The following FAP variants were observed in gnomAD, a reference collection of about 807,000 sequenced individuals.
FAP encodes fibroblast activation protein alpha.
In FAP, 110 loss-of-function variants were observed where a neutral mutation model predicts 126.5. The ratio of observed to expected loss-of-function variants is 0.87; its 90% CI spans 0.74 to 1.02. The LOEUF is 1.02. Ranked by LOEUF, FAP falls within the 50% of genes least tolerant of loss-of-function variation. The pLI is 0.00. For missense variants in FAP, 919 were observed against 909.2 expected (o/e 1.01, Z -0.14); for synonymous variants, 334 against 297.3 (o/e 1.12, Z -1.27).
At chr2:162,183,730 C>T (rs139243469) in intron 20 of FAP, 278 of 302,068 alleles carry the variant, frequency 9.2e-4, no homozygotes, top group African/African-American at 5.7e-3. Context: ...GTAGTCTAAT[C>T]GTGGGGGTGT....
chr2:162,213,486 A>C (rs1262472508), intron 11 of FAP, among the ~76,000 whole-genome samples: 1 of 151,662 alleles, frequency 6.6e-6, no homozygotes, highest in Non-Finnish European at 1.5e-5. Context: ...AGAATTTTTA[A>C]TTTTTAATTT....
intron 20 of FAP, among the ~76,000 whole-genome samples, chr2:162,186,895 T>C (rs188476229): frequency 1.0e-3 from 157 of 152,178 alleles, no homozygotes; most frequent in Middle Eastern, 6.8e-3. Flanking sequence ...TTCTTTGAAC[T>C]ATCTCCTCCA....
chr2:162,188,094 A>C lies in FAP; in HGVS notation c.1814+75T>G, dbSNP rs965363712. Reference sequence around the variant, plus strand: ...GAAAAACAAAAGAATTAAGTCATGAAGAATGGAGAAACACAATAGTGATTG... The same window carrying C: ...GAAAAACAAAAGAATTAAGTCATGACGAATGGAGAAACACAATAGTGATTG... On this transcript the variant is annotated intron_variant, in intron 20 of 25. Transcript: ENST00000188790. 3.4e-5 allele frequency: 41 copies of C among 1,202,438 alleles called. No individual in the cohort carries two copies. In the African/African-American group the frequency reaches 6.0e-4, roughly 18 times the overall value. The allele number at this position is 1,202,438 out of a possible 1,614,324, so 74.5% of individuals were successfully genotyped here.
intron 16 of FAP, among the ~76,000 whole-genome samples, chr2:162,195,585 C>A (rs1394122479): frequency 6.6e-6 from 1 of 151,998 alleles, no homozygotes; most frequent in Non-Finnish European, 1.5e-5. Context: ...CTCTCAGTAG[C>A]TGAAGAAATG....
At position 162,219,055 on chromosome 2, in the gene FAP, C is replaced by T. The variant is rs1689276290; in HGVS notation, c.607+8G>A. ...AAGCATTAGCAGTAGAAAAGGAATA[C>T]AGCTTACCTTCATAAACCCAGTCTG... On this transcript the variant is annotated splice_region_variant and intron_variant, in intron 8 of 25. Coordinates refer to ENST00000188790, the MANE Select transcript of FAP (RefSeq NM_004460.5). 1.3e-6 allele frequency: 2 copies of T among 1,593,350 alleles called. No homozygotes were observed. Among genetic ancestry groups the T allele is most frequent in the African/African-American group, 1.3e-5 (1 of 74,114 alleles).
rs933014447 is a variant in FAP, at chr2:162,174,964, G to A, written c.1872C>T (p.Ser624=). The change falls in exon 22 of 26, where the codon TCC becomes TCT. Residue 624 remains serine, a splice_region_variant and synonymous_variant. Transcript: ENST00000188790. Reference sequence around the variant, plus strand: ...CCAGTGATGAAACGTATCCTCCATAGGACTGTAGAGACATTGTTATGAGTC... The same window carrying A: ...CCAGTGATGAAACGTATCCTCCATAAGACTGTAGAGACATTGTTATGAGTC... ...DEKRIAIWGW[S]YGGYVSSLAL... 1 of 1,605,462 alleles carries A rather than the reference G, an allele frequency of 6.2e-7. No homozygotes were observed.
intron 9 of FAP, among the ~76,000 whole-genome samples, chr2:162,216,730 G>T (rs536255835): frequency 6.6e-6 from 1 of 152,320 alleles, no homozygotes; most frequent in Admixed American, 6.5e-5. Context: ...TAGGTGCACA[G>T]TATGTAATGA....
chr2:162,178,141 G>A (rs919671454), intron 21 of FAP, among the ~76,000 whole-genome samples: 1 of 152,082 alleles, frequency 6.6e-6, no homozygotes, highest in Non-Finnish European at 1.5e-5. Context: ...ATCACACATA[G>A]CAATTCAAAT....
At position 162,236,837 on chromosome 2, in the gene FAP, A is replaced by G. The variant is rs544945135; in HGVS notation, c.91+6071T>C. Among the ~76,000 whole-genome samples, 14 of 152,218 alleles carry G rather than the reference A, an allele frequency of 9.2e-5. No homozygotes were observed. The East Asian group carries it at 2.7e-3, about 29-fold the overall frequency. ...AGGCTGGTCTTGAACTCCTGGCCTC[A>G]AGTGATCCATCATCTCAGCCTCCCA... On this transcript the variant is annotated intron_variant, in intron 2 of 25. Transcript: ENST00000188790.
chr2:162,190,101 T>C (rs1307276180), intron 17 of FAP, among the ~76,000 whole-genome samples: 2 of 152,048 alleles, frequency 1.3e-5, no homozygotes, highest in Non-Finnish European at 2.9e-5. Context: ...GTGATATTTC[T>C]TTTATCATAT....
chr2:162,236,081 T>A (rs1290573090), intron 2 of FAP, among the ~76,000 whole-genome samples: 1 of 152,210 alleles, frequency 6.6e-6, no homozygotes, highest in Non-Finnish European at 1.5e-5. Flanking sequence ...GTTTTTGTCC[T>A]TTTTTCTATT....
chr2:162,219,261 C>G, intron 7 of FAP, 78 bp from the exon 8 acceptor site: 1 of 1,335,334 alleles, frequency 7.5e-7, no homozygotes, highest in African/African-American at 1.5e-5. Context: ...TCCTCTAATA[C>G]CTTTAAACAG....
intron 17 of FAP, chr2:162,194,048 C>A (rs58733401): frequency 6.6e-6 from 1 of 152,182 alleles, no homozygotes; most frequent in African/African-American, 2.4e-5. Context: ...CAAAACTGGT[C>A]GTCTTTGAGA....
At chr2:162,173,854 C>T (rs1387949735) in intron 22 of FAP, 67 bp from the exon 23 acceptor site, 3 of 1,037,628 alleles carry the variant, frequency 2.9e-6, no homozygotes, top group Admixed American at 3.6e-5. Context: ...CCAACAAGAC[C>T]TTCTAGTTTA....
At chr2:162,177,333 AC>A (rs1687521936) in intron 21 of FAP, among the ~76,000 whole-genome samples, 1 of 152,150 alleles carries the variant, frequency 6.6e-6, no homozygotes, top group Admixed American at 6.6e-5. Context: ...AATAATAATA[AC>A]TAGCTAACAT....
rs142789679 is a variant in FAP, at chr2:162,236,303, C to T, written c.91+6605G>A. On this transcript the variant is annotated intron_variant, in intron 2 of 25. Transcript: ENST00000188790. ...CTTTGGTTTTGGCATTATAGTAATG[C>T]GGGTAATACCTTATAGAATGAGTTG... is the stretch of plus-strand genomic sequence containing the variant. Among the ~76,000 whole-genome samples, 642 of 152,178 alleles carry T rather than the reference C, an allele frequency of 4.2e-3. 7 individuals are homozygous for T. The highest frequency in any genetic ancestry group is 0.015 in the African/African-American group (616 of 41,520).
chr2:162,223,980 T>C (rs1373301011), intron 5 of FAP, among the ~76,000 whole-genome samples: 2 of 152,096 alleles, frequency 1.3e-5, no homozygotes, highest in Admixed American at 6.6e-5. Context: ...TTTCCTTTCA[T>C]GTTTTACCTG....
rs1688552317 is a variant in FAP, at chr2:162,202,951, A to G, written c.1153-9T>C. ...ATTTGAATAGCATTTTCCTATAAAAAGACAAACATTATGTTGTGTGAAACT... is the reference window on the plus strand; with the variant it reads ...ATTTGAATAGCATTTTCCTATAAAAGGACAAACATTATGTTGTGTGAAACT... On this transcript the variant is annotated splice_polypyrimidine_tract_variant and intron_variant, in intron 13 of 25. Coordinates refer to ENST00000188790, the MANE Select transcript of FAP (RefSeq NM_004460.5). 6.2e-7 allele frequency: 1 copy of G among 1,612,102 alleles called. No individual in the cohort carries two copies. Among genetic ancestry groups the G allele is most frequent in the Admixed American group, 1.7e-5 (1 of 60,008 alleles).
Position 162,181,872 on chromosome 2 carries a change from G to A in FAP, c.1869+1542C>T, listed in dbSNP as rs137889032. Among the ~76,000 whole-genome samples, 32 of 152,312 alleles carry A rather than the reference G, an allele frequency of 2.1e-4. No individual in the cohort carries two copies. The East Asian group carries it at 6.0e-3, about 28-fold the overall frequency. On this transcript the variant is annotated intron_variant, in intron 21 of 25. Coordinates refer to ENST00000188790, the MANE Select transcript of FAP (RefSeq NM_004460.5). ...TTAATAAGCATCTTAAACCTGAAGA[G>A]CTGATTTTAAAACCCAGTATAGTAT...
Sources: gnomAD v4.1 joint callset for allele counts (sites outside exome capture counted in the v4.1 genomes callset) on GRCh38, gnomAD v4.1.1 for gene constraint, MANE v1.5 for transcripts, NCBI Gene and HGNC (gene_info 2026-07-23, HGNC 2026-07-21) for gene names.